ANGPT1: variants seen among roughly 807,000 people sequenced by gnomAD.
ANGPT1 encodes angiopoietin-1.
ANGPT1 carries 17 observed loss-of-function variants against 62.2 expected under a neutral mutation model. That is an observed-to-expected ratio of 0.27 (90% CI 0.19 to 0.41). The LOEUF is 0.41. Among genes scored for constraint, ANGPT1 ranks in the 10% least tolerant of loss-of-function variants. The pLI, the probability that ANGPT1 is intolerant of heterozygous loss-of-function variation, is 1.00. For synonymous variants in ANGPT1, 199 were observed against 198.9 expected (o/e 1.00, Z 0.00); for missense variants, 478 against 594.9 (o/e 0.80, Z 2.04).
intron 1 of ANGPT1, among the ~76,000 whole-genome samples, chr8:107,428,283 A>C (rs941683540): frequency 6.6e-6 from 1 of 152,212 alleles, no homozygotes; most frequent in African/African-American, 2.4e-5. Context: ...TCGTGTGGGT[A>C]TAATGTCTCC....
chr8:107,373,273 T>TTA (rs67503412), intron 1 of ANGPT1, among the ~76,000 whole-genome samples: 1,226 of 15,696 alleles, frequency 0.078, 11 homozygotes, highest in East Asian at 0.12. Flanking sequence ...CAAAATAGAT[T>TTA]TTTTTTTTTT....
At chr8:107,288,736 A>C (rs1051461690) in intron 6 of ANGPT1, among the ~76,000 whole-genome samples, 2 of 152,144 alleles carry the variant, frequency 1.3e-5, no homozygotes, top group East Asian at 3.9e-4. Context: ...TGCAGGAGTA[A>C]AATCTCATCT....
chr8:107,370,327 A>G (rs1380628945), intron 1 of ANGPT1, among the ~76,000 whole-genome samples: 2 of 43,622 alleles, frequency 4.6e-5, no homozygotes, highest in Non-Finnish European at 1.1e-4. Context: ...AGGAAAGAGA[A>G]AGGAAAGAAA....
intron 1 of ANGPT1, among the ~76,000 whole-genome samples, chr8:107,458,911 A>G (rs1479202005): frequency 2.0e-5 from 3 of 152,156 alleles, no homozygotes; most frequent in African/African-American, 7.2e-5. Flanking sequence ...CAAAAGTTTA[A>G]GTAACTGACA....
chr8:107,340,650 A>T (rs1390813247), intron 2 of ANGPT1, among the ~76,000 whole-genome samples: 1 of 142,986 alleles, frequency 7.0e-6, no homozygotes, highest in Admixed American at 7.2e-5. Context: ...TGTGCCCAGC[A>T]ATTGTTTGTA....
intron 8 of ANGPT1, among the ~76,000 whole-genome samples, chr8:107,257,879 TC>T (rs199710044): frequency 0.024 from 1,639 of 68,040 alleles, 51 homozygotes; most frequent in African/African-American, 0.065. Flanking sequence ...TGTTTTTGTT[TC>T]TTTTTTGTTT....
At chr8:107,278,078 C>CTTTTT (rs780803754) in intron 7 of ANGPT1, among the ~76,000 whole-genome samples, 1 of 140,448 alleles carries the variant, frequency 7.1e-6, no homozygotes, top group Non-Finnish European at 1.6e-5. Context: ...CTTTTCTTTT[C>CTTTTT]TTTTTTTTTT....
chr8:107,348,710 G>C (rs1815865876), intron 1 of ANGPT1, among the ~76,000 whole-genome samples: 1 of 152,218 alleles, frequency 6.6e-6, no homozygotes, highest in Admixed American at 6.5e-5. Flanking sequence ...GGGTAGGACA[G>C]AGTAATAAAA....
At chr8:107,397,572 T>C (rs192745617) in intron 1 of ANGPT1, among the ~76,000 whole-genome samples, 1 of 152,160 alleles carries the variant, frequency 6.6e-6, no homozygotes, top group African/African-American at 2.4e-5. Context: ...TCACTTCTTT[T>C]ACAGCTTCCA....
intron 1 of ANGPT1, among the ~76,000 whole-genome samples, chr8:107,398,826 G>A (rs575328867): frequency 2.6e-3 from 398 of 152,224 alleles, no homozygotes; most frequent in Non-Finnish European, 4.2e-3. Flanking sequence ...TATTTCTCTA[G>A]GAATGGGAGC....
At chr8:107,480,328 T>C (rs1307591560) in intron 1 of ANGPT1, among the ~76,000 whole-genome samples, 2 of 152,196 alleles carry the variant, frequency 1.3e-5, no homozygotes, top group African/African-American at 4.8e-5. Flanking sequence ...GAATAAGGTA[T>C]CTATTTAAAA....
intron 1 of ANGPT1, among the ~76,000 whole-genome samples, chr8:107,445,090 A>G (rs1811580942): frequency 6.6e-6 from 1 of 152,208 alleles, no homozygotes; most frequent in African/African-American, 2.4e-5. Context: ...TGCATTTTCT[A>G]CAGCTGTGGT....
At chr8:107,464,154 G>A (rs941229822) in intron 1 of ANGPT1, among the ~76,000 whole-genome samples, 6 of 152,066 alleles carry the variant, frequency 3.9e-5, no homozygotes, top group Non-Finnish European at 7.4e-5. Flanking sequence ...ATCTCTTCAT[G>A]CTTGTTTCCT....
intron 1 of ANGPT1, among the ~76,000 whole-genome samples, chr8:107,364,368 T>C (rs111244686): frequency 0.022 from 3,341 of 152,118 alleles, 134 homozygotes; most frequent in African/African-American, 0.076. Flanking sequence ...GTAACCTCCA[T>C]CTCCCAGGTT....
chr8:107,361,383 A>G (rs1314275436), intron 1 of ANGPT1, among the ~76,000 whole-genome samples: 1 of 150,522 alleles, frequency 6.6e-6, no homozygotes, highest in Non-Finnish European at 1.5e-5. Flanking sequence ...TTATGCTTAA[A>G]GAAAATTTGC....
intron 1 of ANGPT1, among the ~76,000 whole-genome samples, chr8:107,384,045 A>G (rs1218578535): frequency 6.6e-6 from 1 of 152,170 alleles, no homozygotes; most frequent in Non-Finnish European, 1.5e-5. Context: ...AAGGGTGTCA[A>G]TAATCCCTTA....
At chr8:107,357,152 A>C (rs946743501) in intron 1 of ANGPT1, among the ~76,000 whole-genome samples, 3 of 152,152 alleles carry the variant, frequency 2.0e-5, no homozygotes, top group Admixed American at 6.6e-5. Context: ...CCTTTGAATG[A>C]GGTGTATTTG....
At chr8:107,316,627 A>C (rs1815020844) in intron 4 of ANGPT1, among the ~76,000 whole-genome samples, 1 of 152,168 alleles carries the variant, frequency 6.6e-6, no homozygotes, top group Non-Finnish European at 1.5e-5. Flanking sequence ...TAAAACACAA[A>C]TATCACCATT....
chr8:107,333,170 T>C (rs1815463105), intron 3 of ANGPT1, among the ~76,000 whole-genome samples: 1 of 152,196 alleles, frequency 6.6e-6, no homozygotes, highest in Non-Finnish European at 1.5e-5. Context: ...CTTCTCTTTT[T>C]TTTAAGTTGT....
Sources: allele counts gnomAD v4.1 joint callset (sites outside exome capture counted in the v4.1 genomes callset), GRCh38; gene constraint gnomAD v4.1.1; transcripts MANE v1.5; gene names NCBI Gene and HGNC (gene_info 2026-07-23, HGNC 2026-07-21).